Variants in ALK observed in about 807,000 individuals in gnomAD.
The protein encoded by ALK is ALK tyrosine kinase receptor.
ALK carries 74 observed loss-of-function variants against 163.1 expected under a neutral mutation model. The ratio of observed to expected loss-of-function variants is 0.45; its 90% CI spans 0.38 to 0.55. The LOEUF is 0.55. Ranked by LOEUF, ALK falls within the 20% of genes least tolerant of loss-of-function variation. ALK has a pLI of 0.00. For synonymous variants in ALK, 960 were observed against 843.2 expected, an observed-to-expected ratio of 1.14 and a Z score of -2.40; for missense variants, 2,063 against 2,105.3, an observed-to-expected ratio of 0.98 and a Z score of 0.39.
chr2:29,558,045 T>C (rs1466976650), intron 3 of ALK, among the ~76,000 whole-genome samples: 1 of 152,236 alleles, frequency 6.6e-6, no homozygotes, highest in Non-Finnish European at 1.5e-5. Context: ...TTCCTTTTGC[T>C]TTAAAAACTC....
intron 1 of ALK, among the ~76,000 whole-genome samples, chr2:29,848,024 C>T (rs1331476774): frequency 1.3e-5 from 2 of 152,086 alleles, no homozygotes; most frequent in Non-Finnish European, 2.9e-5. Flanking sequence ...ACTTAAATCC[C>T]CCCATAAGTG....
intron 3 of ALK, among the ~76,000 whole-genome samples, chr2:29,595,109 A>G (rs894197782): frequency 6.6e-6 from 1 of 152,216 alleles, no homozygotes; most frequent in Non-Finnish European, 1.5e-5. Flanking sequence ...TGTGATGCCA[A>G]GTAGACGAAT....
At chr2:29,711,672 C>T (rs1370233035) in intron 2 of ALK, among the ~76,000 whole-genome samples, 1 of 152,100 alleles carries the variant, frequency 6.6e-6, no homozygotes, top group Non-Finnish European at 1.5e-5. Context: ...AAGACTGAAG[C>T]AAGCACTAAG....
chr2:29,432,690 A>G (rs1054685707), intron 4 of ALK, among the ~76,000 whole-genome samples: 2 of 150,156 alleles, frequency 1.3e-5, no homozygotes, highest in African/African-American at 4.9e-5. Flanking sequence ...TGACAACTTG[A>G]CCCTAAGCAA....
chr2:29,534,330 G>C (rs1176965644), intron 3 of ALK, among the ~76,000 whole-genome samples: 3 of 152,318 alleles, frequency 2.0e-5, no homozygotes, highest in African/African-American at 7.2e-5. Flanking sequence ...CTATATTACT[G>C]TTGTAAGCAA....
intron 5 of ALK, among the ~76,000 whole-genome samples, chr2:29,345,768 C>A (rs1323565170): frequency 6.6e-6 from 1 of 152,142 alleles, no homozygotes; most frequent in Non-Finnish European, 1.5e-5. Flanking sequence ...CTGTGTCACA[C>A]AAGGGTGTTT....
At chr2:29,667,785 G>GTAA (rs1677560963) in intron 3 of ALK, among the ~76,000 whole-genome samples, 1 of 151,964 alleles carries the variant, frequency 6.6e-6, no homozygotes, top group African/African-American at 2.4e-5. Flanking sequence ...TGCTATCAGG[G>GTAA]TAATGCTGAC....
At chr2:29,833,703 G>C (rs1665483019) in intron 1 of ALK, among the ~76,000 whole-genome samples, 1 of 152,210 alleles carries the variant, frequency 6.6e-6, no homozygotes. Context: ...GAGGCTCACA[G>C]ATGTAGAATT....
chr2:29,829,718 CT>C (rs1665310414), intron 1 of ALK, among the ~76,000 whole-genome samples: 1 of 152,154 alleles, frequency 6.6e-6, no homozygotes, highest in Admixed American at 6.5e-5. Context: ...CTATTGAGTT[CT>C]GCTGTTAGAA....
At chr2:29,761,894 C>G (rs1363637678) in intron 1 of ALK, among the ~76,000 whole-genome samples, 1 of 152,214 alleles carries the variant, frequency 6.6e-6, no homozygotes, top group Non-Finnish European at 1.5e-5. Context: ...TATTTGGTAT[C>G]TAATTTAGAT....
chr2:29,630,389 A>G (rs4233747), intron 3 of ALK, among the ~76,000 whole-genome samples: 97,014 of 151,918 alleles, frequency 0.64, 31,911 homozygotes, highest in South Asian at 0.73. Flanking sequence ...TTTTTTTCTT[A>G]CAGGTGATAT....
chr2:29,263,673 C>A (rs544058992), intron 11 of ALK, among the ~76,000 whole-genome samples: 1 of 152,102 alleles, frequency 6.6e-6, no homozygotes, highest in Non-Finnish European at 1.5e-5. Flanking sequence ...GGAAGGGATG[C>A]TTCCCCTCCT....
chr2:29,318,175 G>A (rs766406192), intron 8 of ALK, 129 bp downstream of exon 8: 10 of 741,506 alleles, frequency 1.3e-5, no homozygotes, highest in Non-Finnish European at 2.2e-5. Context: ...GATGGCAGAG[G>A]TGGCCCTCTT....
intron 3 of ALK, among the ~76,000 whole-genome samples, chr2:29,542,144 A>G (rs1258828366): frequency 6.6e-6 from 1 of 152,174 alleles, no homozygotes; most frequent in Non-Finnish European, 1.5e-5. Context: ...TTTTTCCATG[A>G]ACCTTCAGAG....
chr2:29,499,628 T>A (rs62129129), intron 4 of ALK, among the ~76,000 whole-genome samples: 42,873 of 152,070 alleles, frequency 0.28, 7,561 homozygotes, highest in Middle Eastern at 0.4. Flanking sequence ...AACCTCTTTA[T>A]CAGATTGTTC....
At chr2:29,609,332 A>C (rs2148220304) in intron 3 of ALK, among the ~76,000 whole-genome samples, 1 of 152,166 alleles carries the variant, frequency 6.6e-6, no homozygotes, top group Admixed American at 6.6e-5. Flanking sequence ...AAAGTGTTGC[A>C]AGCCTGCCCT....
chr2:29,527,411 A>G (rs1672985422), intron 4 of ALK, among the ~76,000 whole-genome samples: 1 of 152,128 alleles, frequency 6.6e-6, no homozygotes, highest in Non-Finnish European at 1.5e-5. Flanking sequence ...AGTGAGTTTG[A>G]GGGTTTCCTG....
chr2:29,607,166 T>C (rs1675563199), intron 3 of ALK, among the ~76,000 whole-genome samples: 1 of 152,182 alleles, frequency 6.6e-6, no homozygotes, highest in Admixed American at 6.5e-5. Flanking sequence ...AGTGACAGTT[T>C]TGCTGATGAT....
chr2:29,742,646 C>T (rs1012816112), intron 1 of ALK, among the ~76,000 whole-genome samples: 2 of 152,226 alleles, frequency 1.3e-5, no homozygotes, highest in Non-Finnish European at 2.9e-5. Context: ...GCAACCATAG[C>T]TCAGGGCCAG....
Sources: allele counts gnomAD v4.1 joint callset (sites outside exome capture counted in the v4.1 genomes callset), GRCh38; gene constraint gnomAD v4.1.1; transcripts MANE v1.5; gene names NCBI Gene and HGNC (gene_info 2026-07-23, HGNC 2026-07-21).